Variants in UBA6 observed in about 807,000 individuals in gnomAD.
UBA6 encodes ubiquitin like modifier activating enzyme 6.
A neutral mutation model predicts 148.3 loss-of-function variants in UBA6; 87 were observed. That is an observed-to-expected ratio of 0.59 (90% CI 0.49 to 0.70). The LOEUF is 0.70. Ranked by LOEUF, UBA6 falls within the 30% of genes least tolerant of loss-of-function variation. The pLI, the probability that UBA6 is intolerant of heterozygous loss-of-function variation, is 0.00. For synonymous variants in UBA6, 376 were observed against 401.0 expected (o/e 0.94, Z 0.75); for missense variants, 1,186 against 1,241.2 (o/e 0.96, Z 0.67).
At chr4:67,698,173 A>C (rs1373544868) in intron 1 of UBA6, among the ~76,000 whole-genome samples, 1 of 152,186 alleles carries the variant, frequency 6.6e-6, no homozygotes, top group Non-Finnish European at 1.5e-5. Context: ...GCCTCTATTA[A>C]AATATTGTGT....
chr4:67,654,331 C>T (rs757298602), intron 13 of UBA6, among the ~76,000 whole-genome samples: 7 of 152,176 alleles, frequency 4.6e-5, no homozygotes, highest in East Asian at 1.9e-4. Flanking sequence ...AGACTAACAG[C>T]GGATCTCTTG....
Position 67,659,242 on chromosome 4 carries a change from G to T in UBA6, c.1104+2947C>A, listed in dbSNP as rs187679305. 2.2e-3 allele frequency among the ~76,000 whole-genome samples: 339 copies of T among 152,124 alleles called. 1 individual carries two copies. Among genetic ancestry groups the T allele is most frequent in the Non-Finnish European group, 3.8e-3 (255 of 67,988 alleles). ...TAATTATAGAACATATGATATTAAA[G>T]CTTTTACCACTGATGTTAAGACTCT... On this transcript the variant is annotated intron_variant, in intron 13 of 32. Coordinates refer to ENST00000322244, the MANE Select transcript of UBA6 (RefSeq NM_018227.6).
At position 67,618,207 on chromosome 4, in the gene UBA6, CATAA is replaced by C. The variant is rs1444786735; in HGVS notation, c.*786_*789del. On this transcript the variant is annotated 3_prime_UTR_variant, in exon 33 of 33. Coordinates refer to ENST00000322244, the MANE Select transcript of UBA6 (RefSeq NM_018227.6). Reference sequence around the variant, plus strand: ...TAGGACAATCAGGTTTAGAGTCTCACATAAATAAAATAGCCACATTAGAAGGCAT... The same window carrying C: ...TAGGACAATCAGGTTTAGAGTCTCACATAAAATAGCCACATTAGAAGGCAT... The C allele has an allele frequency of 6.6e-6, 1 of 152,518 alleles. No homozygotes were observed. The highest frequency in any genetic ancestry group is 1.5e-5 in the Non-Finnish European group (1 of 67,988). 9.4% of individuals were successfully genotyped at this position (152,518 alleles called of 1,614,324 possible).
intron 20 of UBA6, among the ~76,000 whole-genome samples, chr4:67,634,966 T>C (rs1435737053): frequency 6.6e-6 from 1 of 152,170 alleles, no homozygotes; most frequent in Non-Finnish European, 1.5e-5. Context: ...TTGAGGTTTC[T>C]TGCAGAAAGC....
chr4:67,684,685 T>C (rs1471427757), intron 2 of UBA6, among the ~76,000 whole-genome samples: 4 of 152,238 alleles, frequency 2.6e-5, no homozygotes, highest in African/African-American at 4.8e-5. Context: ...TGATGAAATC[T>C]ATACCTGTTT....
intron 32 of UBA6, among the ~76,000 whole-genome samples, chr4:67,621,460 A>T (rs1433117158): frequency 6.6e-6 from 1 of 152,226 alleles, no homozygotes; most frequent in African/African-American, 2.4e-5. Context: ...TCAAATAAAG[A>T]TTCCCACTCT....
chr4:67,697,517 G>A (rs1730869901), intron 1 of UBA6, among the ~76,000 whole-genome samples: 1 of 152,128 alleles, frequency 6.6e-6, no homozygotes, highest in African/African-American at 2.4e-5. Flanking sequence ...GTCTTAACTG[G>A]TATCACAAAC....
intron 4 of UBA6, 33 bp from the exon 5 acceptor site, chr4:67,678,566 A>G: frequency 1.6e-6 from 2 of 1,259,768 alleles, no homozygotes; most frequent in African/African-American, 3.0e-5. Flanking sequence ...GGTTGAAGTC[A>G]GGAGTTCAAG....
intron 6 of UBA6, among the ~76,000 whole-genome samples, chr4:67,675,250 G>A (rs1577831087): frequency 6.6e-6 from 1 of 152,222 alleles, no homozygotes; most frequent in South Asian, 2.1e-4. Context: ...TCTATCCACT[G>A]AATTTTAATT....
Position 67,679,678 on chromosome 4 carries a change from G to C in UBA6, c.259-1145C>G, listed in dbSNP as rs151137699. On this transcript the variant is annotated intron_variant, in intron 4 of 32. Transcript: ENST00000322244. ...CATATATAGGATAAAGCACGTAATG[G>C]ATCATTAGAAACCAAAATCCTAATA... Among the ~76,000 whole-genome samples, 317 of 152,064 alleles carry C rather than the reference G, an allele frequency of 2.1e-3. 2 individuals carry two copies. The highest frequency in any genetic ancestry group is 7.2e-3 in the African/African-American group (297 of 41,502).
chr4:67,678,110 ATATATAT>A (rs1277453030), intron 5 of UBA6, among the ~76,000 whole-genome samples: 1 of 147,358 alleles, frequency 6.8e-6, no homozygotes, highest in Non-Finnish European at 1.5e-5. Context: ...ATTATATGTA[ATATATAT>A]TATATAATAC....
chr4:67,636,848 C>T (rs1318104253), intron 19 of UBA6, among the ~76,000 whole-genome samples: 35 of 151,358 alleles, frequency 2.3e-4, no homozygotes, highest in African/African-American at 8.2e-4. Flanking sequence ...TCTGCCTGGC[C>T]GCCCATCGTC....
At chr4:67,693,354 T>TATA (rs1439681690) in intron 2 of UBA6, among the ~76,000 whole-genome samples, 1 of 151,722 alleles carries the variant, frequency 6.6e-6, no homozygotes, top group Non-Finnish European at 1.5e-5. Flanking sequence ...ATACAGTATA[T>TATA]AATACATATA....
In UBA6 at chr4:67,618,645, C is replaced by T; in HGVS notation, c.*352G>A. ...TAAAATTAAACTTTTTGAATAGTTG[C>T]ATTCGTTGCTTTCAATTTCTTCATC... On this transcript the variant is annotated 3_prime_UTR_variant, in exon 33 of 33. Coordinates refer to ENST00000322244, the MANE Select transcript of UBA6 (RefSeq NM_018227.6). The T allele has an allele frequency of 6.0e-6, 1 of 167,050 alleles. No individual in the cohort carries two copies. Among genetic ancestry groups the T allele is most frequent in the Non-Finnish European group, 1.3e-5 (1 of 77,984 alleles). The allele number at this position is 167,050 out of a possible 1,614,324, so 10.3% of individuals were successfully genotyped here. A position where few individuals can be genotyped will look rare whatever the true frequency, so the allele number is the denominator to read the frequency against.
At chr4:67,648,360 T>A (rs933086050) in intron 14 of UBA6, among the ~76,000 whole-genome samples, 1 of 149,328 alleles carries the variant, frequency 6.7e-6, no homozygotes, top group Admixed American at 6.7e-5. Context: ...CCCAGCTACT[T>A]GGGAGGCTGA....
At chr4:67,642,342 A>G (rs1729327365) in intron 17 of UBA6, among the ~76,000 whole-genome samples, 1 of 152,092 alleles carries the variant, frequency 6.6e-6, no homozygotes, top group Non-Finnish European at 1.5e-5. Context: ...TAAAATTTCT[A>G]TCTTCCTGAA....
Position 67,677,650 on chromosome 4 carries a change from G to T in UBA6, c.426C>A (p.Phe142Leu), listed in dbSNP as rs199618560. 52 of 1,603,704 alleles carry T rather than the reference G, an allele frequency of 3.2e-5. No homozygotes were observed. In the African/African-American group the frequency reaches 6.4e-4, roughly 20 times the overall value. ...YVHVTSSSVP[F>L]NETTDLSFLD... ...AAAAGGAGAGATCTGTGGTCTCATTGAAAGGAACAGAAGATGATGTGACAT... is the reference window on the plus strand; with the variant it reads ...AAAAGGAGAGATCTGTGGTCTCATTTAAAGGAACAGAAGATGATGTGACAT... Residue 142 changes from phenylalanine (F) to leucine (L), a missense_variant, in exon 6 of 33, where the codon TTC becomes TTA. Coordinates refer to ENST00000322244, the MANE Select transcript of UBA6 (RefSeq NM_018227.6).
At chr4:67,671,640 C>G (rs925602563) in intron 7 of UBA6, among the ~76,000 whole-genome samples, 1 of 152,102 alleles carries the variant, frequency 6.6e-6, no homozygotes, top group Non-Finnish European at 1.5e-5. Flanking sequence ...TAAACCACAA[C>G]ACGAATGCTC....
intron 32 of UBA6, among the ~76,000 whole-genome samples, chr4:67,621,921 C>T (rs1164237724): frequency 6.6e-6 from 1 of 152,120 alleles, no homozygotes; most frequent in Admixed American, 6.6e-5. Context: ...ACTAGACATA[C>T]TAGACTGGGG....
Sources: gnomAD v4.1 joint callset for allele counts (sites outside exome capture counted in the v4.1 genomes callset) on GRCh38, gnomAD v4.1.1 for gene constraint, MANE v1.5 for transcripts, NCBI Gene and HGNC (gene_info 2026-07-23, HGNC 2026-07-21) for gene names.